The following SATB2 variants were observed in gnomAD, a reference collection of about 807,000 sequenced individuals.
The protein encoded by SATB2 is SATB homeobox 2, also known as DNA-binding protein SATB2.
In SATB2, 1 loss-of-function variant was observed where a neutral mutation model predicts 73.4. The ratio of observed to expected loss-of-function variants is 0.01; its 90% CI spans 0.00 to 0.06. SATB2 has a LOEUF of 0.06. Ranked by LOEUF, SATB2 falls within the 10% of genes least tolerant of loss-of-function variation. The probability of loss-of-function intolerance (pLI) is 1.00; values close to 1 mark genes in which losing one functional copy is unlikely to be tolerated. For missense variants in SATB2, 459 were observed against 945.8 expected, an observed-to-expected ratio of 0.49 and a Z score of 6.75; for synonymous variants, 397 against 367.0, an observed-to-expected ratio of 1.08 and a Z score of -0.93.
intron 6 of SATB2, among the ~76,000 whole-genome samples, chr2:199,357,392 G>T (rs1328736055): frequency 6.6e-6 from 1 of 152,084 alleles, no homozygotes; most frequent in East Asian, 1.9e-4. Context: ...CACTTAAATA[G>T]AATTATTTAC....
At chr2:199,363,501 C>T (rs1341395530) in intron 6 of SATB2, among the ~76,000 whole-genome samples, 5 of 151,982 alleles carry the variant, frequency 3.3e-5, no homozygotes, top group Non-Finnish European at 7.4e-5. Flanking sequence ...GAGGTGGGAG[C>T]AGTGAGATGA....
chr2:199,364,261 T>C (rs1689222875), intron 6 of SATB2, among the ~76,000 whole-genome samples: 1 of 152,198 alleles, frequency 6.6e-6, no homozygotes, highest in Non-Finnish European at 1.5e-5. Flanking sequence ...ACCACTTTAG[T>C]ACAGAGGACT....
intron 5 of SATB2, among the ~76,000 whole-genome samples, chr2:199,379,946 T>C (rs778157813): frequency 5.9e-5 from 9 of 152,010 alleles, no homozygotes; most frequent in Non-Finnish European, 1.2e-4. Flanking sequence ...TACAGTGGTG[T>C]GATCTTGGCT....
At chr2:199,281,482 T>TACACACACAC (rs10685113) in intron 10 of SATB2, among the ~76,000 whole-genome samples, 3,451 of 150,616 alleles carry the variant, frequency 0.023, 63 homozygotes, top group South Asian at 0.045. Context: ...ATGAGATATA[T>TACACACACAC]ACACACACAC....
intron 5 of SATB2, among the ~76,000 whole-genome samples, chr2:199,374,994 T>C (rs1435631594): frequency 6.6e-6 from 1 of 151,782 alleles, no homozygotes; most frequent in Non-Finnish European, 1.5e-5. Context: ...CCCCACAGTT[T>C]TCAGTTAACA....
At chr2:199,462,455 G>C (rs992884364), upstream of SATB2, among the ~76,000 whole-genome samples, 1 of 152,222 alleles carries the variant, frequency 6.6e-6, no homozygotes, top group East Asian at 1.9e-4. The surrounding 1 kb of genome is among the most constrained non-coding windows in gnomAD (Gnocchi z 5.9). Context: ...CCCAGTGGGG[G>C]ACGCGCCTTG....
At chr2:199,338,281 T>C (rs571952172) in intron 7 of SATB2, among the ~76,000 whole-genome samples, 149 of 151,834 alleles carry the variant, frequency 9.8e-4, no homozygotes, top group African/African-American at 3.5e-3. Context: ...GGTGGAAGGA[T>C]CACTTGAACT....
chr2:199,317,071 AG>A (rs1289690594), intron 9 of SATB2, among the ~76,000 whole-genome samples: 3 of 151,990 alleles, frequency 2.0e-5, no homozygotes, highest in African/African-American at 7.3e-5. Context: ...CGGTATGGGC[AG>A]GGTAGTGGTT....
chr2:199,370,170 G>A (rs1689400821), intron 5 of SATB2, among the ~76,000 whole-genome samples: 3 of 152,106 alleles, frequency 2.0e-5, no homozygotes, highest in African/African-American at 7.2e-5. Flanking sequence ...AACTAGCTGA[G>A]CTAGCTCCCG....
rs1692554204 is a variant in SATB2 at position 199,464,556 on chromosome 2, A to G, written c.-141+280T>C. Among the ~76,000 whole-genome samples, 1 of 152,012 alleles carries G rather than the reference A, an allele frequency of 6.6e-6. No individual in the cohort carries two copies. The highest frequency in any genetic ancestry group is 1.9e-4 in the East Asian group (1 of 5,164). ...CCCAGACCCACACAAAACACTAGCG[A>G]GCCCTGGAGGTCTGAGACGCCCCGC... On this transcript the variant is annotated intron_variant, in intron 1 of 11. Transcript: ENST00000260926. The surrounding 1 kb of genome is among the most constrained non-coding windows in gnomAD (Gnocchi z 6.6).
intron 10 of SATB2, among the ~76,000 whole-genome samples, chr2:199,288,130 A>G (rs182238540): frequency 1.3e-5 from 2 of 152,362 alleles, no homozygotes; most frequent in Admixed American, 1.3e-4. Flanking sequence ...AAATGTTAGG[A>G]AAAATTAGAA....
intron 7 of SATB2, among the ~76,000 whole-genome samples, chr2:199,332,589 T>C (rs1688219026): frequency 6.6e-6 from 1 of 152,188 alleles, no homozygotes; most frequent in African/African-American, 2.4e-5. Flanking sequence ...GAATTGAGGC[T>C]AATTTTTAAA....
rs79794576 is a variant in SATB2 at position 199,348,995 on chromosome 2, C to T, written c.879G>A (p.Met293Ile). 6.2e-7 allele frequency: 1 copy of T among 1,614,072 alleles called. No homozygotes were observed. Among genetic ancestry groups the T allele is most frequent in the East Asian group, 2.2e-5 (1 of 44,868 alleles). ...GCTGGGGAGAAAGAAGACCAGGGCT[C>T]ATGATGGGCTGTAATGCGGGCACTT... ...RNQVPALQPI[M>I]SPGLLSPQLS... The change falls in exon 7 of 11, where the codon ATG (methionine) becomes ATA (isoleucine). Residue 293 changes from methionine to isoleucine, a missense_variant. Coordinates refer to ENST00000417098, the MANE Select transcript of SATB2 (RefSeq NM_001172509.2).
intron 3 of SATB2, among the ~76,000 whole-genome samples, chr2:199,411,255 C>T (rs1431361198): frequency 6.6e-6 from 1 of 151,994 alleles, no homozygotes; most frequent in Non-Finnish European, 1.5e-5. Flanking sequence ...TGTCCTCCCA[C>T]TCTCACTTAA....
chr2:199,308,784 G>A lies in SATB2; in HGVS notation c.1716C>T (p.Val572=), dbSNP rs748187928. The change falls in exon 10 of 11, where the codon GTC becomes GTT. Residue 572 remains valine, a synonymous_variant. Transcript: ENST00000417098. The surrounding 1 kb of genome is among the most constrained non-coding windows in gnomAD (Gnocchi z 4.6). The part of the protein sequence containing the change: ...HHHSERMQHV[V]QLPPEPVQVL... ...CCTGCACCGGCTCAGGGGGAAGCTG[G>A]ACCACGTGTTGCATGCGTTCGCTGT... 6.2e-7 allele frequency: 1 copy of A among 1,614,114 alleles called. No individual in the cohort carries two copies. Among genetic ancestry groups the A allele is most frequent in the Non-Finnish European group, 8.5e-7 (1 of 1,179,996 alleles).
intron 10 of SATB2, among the ~76,000 whole-genome samples, chr2:199,285,877 GTT>G (rs1236266312): frequency 1.5e-5 from 2 of 136,302 alleles, no homozygotes; most frequent in African/African-American, 2.7e-5. Context: ...GCCTTAGTCT[GTT>G]TTTTTTTTTT....
chr2:199,306,236 G>A (rs1176405831), intron 10 of SATB2, among the ~76,000 whole-genome samples: 2 of 152,114 alleles, frequency 1.3e-5, no homozygotes, highest in African/African-American at 4.8e-5. Flanking sequence ...GCTGTCTAGT[G>A]TCAGTTATTT....
intron 7 of SATB2, among the ~76,000 whole-genome samples, chr2:199,334,843 G>A (rs568264332): frequency 1.3e-5 from 2 of 152,232 alleles, no homozygotes; most frequent in Non-Finnish European, 2.9e-5. Context: ...CTACCTGAAA[G>A]CTGACCCAAC....
chr2:199,459,313 C>T (rs1327462359), upstream of SATB2, among the ~76,000 whole-genome samples: 5 of 151,988 alleles, frequency 3.3e-5, no homozygotes, highest in Non-Finnish European at 7.4e-5. The surrounding 1 kb of genome is among the most constrained non-coding windows in gnomAD (Gnocchi z 4.2). Context: ...CAAACTTTTG[C>T]CGACTCCCGC....
Sources: gnomAD v4.1 joint callset for allele counts (sites outside exome capture counted in the v4.1 genomes callset) on GRCh38, gnomAD v4.1.1 for gene constraint, Gnocchi (gnomAD v3.1) non-coding constraint, MANE v1.5 for transcripts, NCBI Gene and HGNC (gene_info 2026-07-23, HGNC 2026-07-21) for gene names.